The following ROBO2 variants were observed in gnomAD, a reference collection of about 807,000 sequenced individuals.
ROBO2 encodes the protein roundabout homolog 2.
Under a neutral mutation model 160.8 loss-of-function variants are expected in ROBO2, and 53 were observed. That is an observed-to-expected ratio of 0.33 (90% CI 0.26 to 0.41). The LOEUF is 0.41. ROBO2 is among the 10% of genes least tolerant of loss of function. The probability of loss-of-function intolerance (pLI) is 1.00; values close to 1 mark genes in which losing one functional copy is unlikely to be tolerated. For missense variants in ROBO2, 1,577 were observed against 1,722.4 expected (o/e 0.92, Z 1.49); for synonymous variants, 664 against 611.7 (o/e 1.09, Z -1.26).
rs146053032 is a variant in ROBO2 at position 76,720,154 on chromosome 3, A to G, written c.110-377860A>G. Among the ~76,000 whole-genome samples the G allele has an allele frequency of 2.3e-3, 354 of 151,956 alleles. 2 individuals are homozygous for G. Among genetic ancestry groups the G allele is most frequent in the African/African-American group, 8.2e-3 (340 of 41,442 alleles). ...GCCCTTTTAAAAGAGACATCAAAGCACTCCCTCACTCCTTCAGCCATGGGA... is the reference window on the plus strand; with the variant it reads ...GCCCTTTTAAAAGAGACATCAAAGCGCTCCCTCACTCCTTCAGCCATGGGA... On this transcript the variant is annotated intron_variant, in intron 2 of 26. Coordinates refer to the ROBO2 transcript ENST00000487694.
chr3:76,617,354 T>A (rs371188858), intron 2 of ROBO2, among the ~76,000 whole-genome samples: 8 of 152,192 alleles, frequency 5.3e-5, no homozygotes, highest in African/African-American at 1.2e-4. Flanking sequence ...TAAAGTTTAC[T>A]TTCCATTTGC....
intron 5 of ROBO2, among the ~76,000 whole-genome samples, chr3:77,499,586 A>G (rs1052036884): frequency 6.6e-6 from 1 of 151,802 alleles, no homozygotes; most frequent in Non-Finnish European, 1.5e-5. Flanking sequence ...ACATTTTCCT[A>G]TCTTTGGCCA....
At chr3:77,130,184 G>T (rs374165226) in intron 2 of ROBO2, among the ~76,000 whole-genome samples, 1 of 152,058 alleles carries the variant, frequency 6.6e-6, no homozygotes, top group Non-Finnish European at 1.5e-5. Flanking sequence ...AATGGTCATT[G>T]TCAACTTCCG....
At chr3:76,238,834 A>G (rs1229965347) in intron 2 of ROBO2, among the ~76,000 whole-genome samples, 2 of 152,202 alleles carry the variant, frequency 1.3e-5, no homozygotes, top group Non-Finnish European at 1.5e-5. Context: ...TCAAGATGAG[A>G]TTTGGGTGAG....
intron 2 of ROBO2, among the ~76,000 whole-genome samples, chr3:76,554,035 C>T (rs996840946): frequency 6.6e-6 from 1 of 152,116 alleles, no homozygotes; most frequent in African/African-American, 2.4e-5. Flanking sequence ...AAAACGTGAA[C>T]ACTCGCATTT....
intron 2 of ROBO2, among the ~76,000 whole-genome samples, chr3:76,608,280 C>G (rs2087812332): frequency 6.6e-6 from 1 of 152,080 alleles, no homozygotes; most frequent in African/African-American, 2.4e-5. Context: ...AAGTGCCATC[C>G]CATTCTGTCA....
At chr3:76,880,318 G>A (rs960731073) in intron 2 of ROBO2, among the ~76,000 whole-genome samples, 3 of 151,958 alleles carry the variant, frequency 2.0e-5, no homozygotes, top group Non-Finnish European at 4.4e-5. Context: ...GGCTAAACCG[G>A]ATAAAATTTT....
chr3:76,972,303 TA>T (rs2059609348), intron 2 of ROBO2, among the ~76,000 whole-genome samples: 1 of 152,160 alleles, frequency 6.6e-6, no homozygotes, highest in South Asian at 2.1e-4. Flanking sequence ...AAATAATGTT[TA>T]TTTGGATTGA....
chr3:76,182,505 G>T (rs1000970983), intron 2 of ROBO2, among the ~76,000 whole-genome samples: 2 of 152,092 alleles, frequency 1.3e-5, no homozygotes, highest in South Asian at 2.1e-4. Context: ...TTAGTGATTA[G>T]AACTTCTAGG....
chr3:77,316,055 G>C (rs2063954874), intron 2 of ROBO2, among the ~76,000 whole-genome samples: 1 of 152,156 alleles, frequency 6.6e-6, no homozygotes, highest in Non-Finnish European at 1.5e-5. Flanking sequence ...GTCCAATTTA[G>C]ATTCTGAGTG....
chr3:77,277,161 T>TTTCCTTCA (rs879535761), intron 2 of ROBO2, among the ~76,000 whole-genome samples: 1 of 86,566 alleles, frequency 1.2e-5, no homozygotes, highest in Admixed American at 1.3e-4. Flanking sequence ...TCTTTCCTTC[T>TTTCCTTCA]TTCTTTCTTT....
chr3:77,346,736 G>C (rs1281623679), intron 2 of ROBO2, among the ~76,000 whole-genome samples: 1 of 152,114 alleles, frequency 6.6e-6, no homozygotes, highest in Non-Finnish European at 1.5e-5. Flanking sequence ...GCTGGGGTTA[G>C]TTCTCACCTT....
At position 75,937,699 on chromosome 3, in the gene ROBO2, G is replaced by A. The variant is rs181396988; in HGVS notation, c.109+97G>A. 8.8e-6 allele frequency: 6 copies of A among 681,360 alleles called. No homozygotes were observed. In the South Asian group the frequency reaches 1.3e-4, roughly 15 times the overall value. The allele number at this position is 681,360 out of a possible 1,614,324, so 42.2% of individuals were successfully genotyped here. A position where few individuals can be genotyped will look rare whatever the true frequency, so the allele number is the denominator to read the frequency against. On this transcript the variant is annotated intron_variant, in intron 2 of 26. Coordinates refer to the ROBO2 transcript ENST00000487694. ...CTTTGGTTCGACGTTTAAGCAATTTGTTGTAATTTTCCCCCAGGTTTTTGT... is the reference window on the plus strand; with the variant it reads ...CTTTGGTTCGACGTTTAAGCAATTTATTGTAATTTTCCCCCAGGTTTTTGT...
intron 2 of ROBO2, among the ~76,000 whole-genome samples, chr3:76,085,694 A>C (rs573019910): frequency 6.6e-6 from 1 of 152,298 alleles, no homozygotes; most frequent in Non-Finnish European, 1.5e-5. Context: ...ACCGACTTGC[A>C]CAGAAACCCA....
chr3:76,100,169 A>T (rs2069624593), intron 2 of ROBO2, among the ~76,000 whole-genome samples: 1 of 152,124 alleles, frequency 6.6e-6, no homozygotes, highest in Non-Finnish European at 1.5e-5. Flanking sequence ...TTTCAGCTTT[A>T]TTTGTTTTGA....
chr3:76,310,807 C>A (rs1320389812), intron 2 of ROBO2, among the ~76,000 whole-genome samples: 2 of 152,112 alleles, frequency 1.3e-5, no homozygotes, highest in Non-Finnish European at 2.9e-5. Flanking sequence ...ACTACCCACC[C>A]AAGTGGCGGT....
intron 16 of ROBO2, among the ~76,000 whole-genome samples, chr3:77,583,981 G>A (rs1307674417): frequency 2.6e-5 from 4 of 152,110 alleles, no homozygotes; most frequent in Admixed American, 6.5e-5. Flanking sequence ...TGTTTATCTG[G>A]TCTTCCTAAC....
intron 2 of ROBO2, among the ~76,000 whole-genome samples, chr3:76,406,623 C>T (rs566804783): frequency 5.9e-5 from 9 of 151,822 alleles, no homozygotes; most frequent in Non-Finnish European, 1.2e-4. Context: ...CACTCATAGT[C>T]ACACAAGTAA....
intron 2 of ROBO2, among the ~76,000 whole-genome samples, chr3:77,310,539 C>A (rs2063457483): frequency 6.6e-6 from 1 of 152,100 alleles, no homozygotes; most frequent in African/African-American, 2.4e-5. Context: ...AAGTTCAGTT[C>A]AAATCTGGTT....
Sources: gnomAD v4.1 joint callset for allele counts (sites outside exome capture counted in the v4.1 genomes callset) on GRCh38, gnomAD v4.1.1 for gene constraint, MANE v1.5 for transcripts, NCBI Gene and HGNC (gene_info 2026-07-23, HGNC 2026-07-21) for gene names.